Variants in NTM observed in about 807,000 individuals in gnomAD.
The protein encoded by NTM is IgLON family member 2.
A neutral mutation model predicts 42.1 loss-of-function variants in NTM; 13 were observed. That is an observed-to-expected ratio of 0.31 (90% CI 0.20 to 0.49). The LOEUF is 0.49. Among genes scored for constraint, NTM ranks in the 20% least tolerant of loss-of-function variants. The pLI, the probability that NTM is intolerant of heterozygous loss-of-function variation, is 0.99. For synonymous variants in NTM, 187 were observed against 179.2 expected (o/e 1.04, Z -0.35); for missense variants, 373 against 452.8 (o/e 0.82, Z 1.60).
At chr11:131,985,978 G>A (rs2066011471) in intron 2 of NTM, among the ~76,000 whole-genome samples, 1 of 152,146 alleles carries the variant, frequency 6.6e-6, no homozygotes, top group Non-Finnish European at 1.5e-5. Context: ...TACCCAATAA[G>A]CACTTAATAA....
Position 132,335,977 on chromosome 11 carries a change from T to A in NTM, c.*831T>A, listed in dbSNP as rs2095869419. 6.6e-6 allele frequency: 1 copy of A among 152,572 alleles called. No individual in the cohort carries two copies. The allele number at this position is 152,572 out of a possible 1,614,324, so 9.5% of individuals were successfully genotyped here. A position where few individuals can be genotyped will look rare whatever the true frequency, so the allele number is the denominator to read the frequency against. On this transcript the variant is annotated 3_prime_UTR_variant, in exon 9 of 9. Coordinates refer to ENST00000683400, the MANE Select transcript of NTM (RefSeq NM_001352005.2). ...CACACACCAGGCACTAATCACCTGGTGAGGATTTGGCATATCCACCAAAAA... is the reference window on the plus strand; with the variant it reads ...CACACACCAGGCACTAATCACCTGGAGAGGATTTGGCATATCCACCAAAAA...
chr11:132,118,343 T>C (rs1486473175), intron 2 of NTM, among the ~76,000 whole-genome samples: 1 of 152,140 alleles, frequency 6.6e-6, no homozygotes, highest in African/African-American at 2.4e-5. Context: ...GGGAATACAA[T>C]ATATGGTAAT....
intron 1 of NTM, among the ~76,000 whole-genome samples, chr11:131,656,321 A>T (rs2067182297): frequency 6.6e-6 from 1 of 152,238 alleles, no homozygotes; most frequent in Non-Finnish European, 1.5e-5. Context: ...CTTTAAAAAG[A>T]CTTGCCTAAA....
intron 1 of NTM, among the ~76,000 whole-genome samples, chr11:131,538,921 C>CT (rs58463755): frequency 0.11 from 11,604 of 102,416 alleles, 892 homozygotes; most frequent in African/African-American, 0.21. Context: ...GTTAACTTAG[C>CT]TTTTTTTTTT....
intron 1 of NTM, among the ~76,000 whole-genome samples, chr11:131,404,002 G>A (rs1055141786): frequency 3.3e-5 from 5 of 151,724 alleles, no homozygotes; most frequent in African/African-American, 4.8e-5. Context: ...CTCTCCACTC[G>A]GTCACTTTCA....
chr11:131,513,519 G>A (rs1208953572), intron 1 of NTM, among the ~76,000 whole-genome samples: 2 of 152,212 alleles, frequency 1.3e-5, no homozygotes, highest in African/African-American at 2.4e-5. Flanking sequence ...GGAATTTCAA[G>A]TTTCTTGGAG....
rs541551518 is a variant in NTM at position 131,855,612 on chromosome 11, T to A, written c.83-55952T>A. ...GAAGTAGCTGTGTATGTACACTTGA[T>A]AGCCTTCATTTTCTTGCCTTCTGTT... On this transcript the variant is annotated intron_variant, in intron 1 of 8. Transcript: ENST00000683400. 1.2e-4 allele frequency among the ~76,000 whole-genome samples: 18 copies of A among 152,396 alleles called. No homozygotes were observed. The South Asian group carries it at 1.9e-3, about 16-fold the overall frequency.
At chr11:131,648,260 G>A (rs2066020881) in intron 1 of NTM, among the ~76,000 whole-genome samples, 1 of 152,158 alleles carries the variant, frequency 6.6e-6, no homozygotes, top group Non-Finnish European at 1.5e-5. Context: ...GTCCACCATT[G>A]ATTCCATGTC....
chr11:132,111,737 C>T (rs564242556), intron 2 of NTM, among the ~76,000 whole-genome samples: 3 of 152,328 alleles, frequency 2.0e-5, no homozygotes, highest in South Asian at 4.1e-4. Flanking sequence ...TCAGATTCAT[C>T]GCACCAAATG....
intron 1 of NTM, among the ~76,000 whole-genome samples, chr11:131,442,314 C>T (rs924539174): frequency 1.3e-5 from 2 of 152,196 alleles, no homozygotes; most frequent in African/African-American, 4.8e-5. Context: ...TCTATGTTAA[C>T]ATCACTGTCT....
rs1338799444 is a variant in NTM at position 131,665,183 on chromosome 11, G to A, written c.83-246381G>A. 2.6e-5 allele frequency among the ~76,000 whole-genome samples: 4 copies of A among 152,164 alleles called. No homozygotes were observed. In the East Asian group the frequency reaches 5.8e-4, roughly 22 times the overall value. On this transcript the variant is annotated intron_variant, in intron 1 of 8. Coordinates refer to ENST00000683400, the MANE Select transcript of NTM (RefSeq NM_001352005.2). ...GCTTCCTCTTACACATCCTTCCCAC[G>A]CCTCATCTCTGGAGTGAGTTATCTT...
chr11:131,742,916 A>T (rs2081361733), intron 1 of NTM, among the ~76,000 whole-genome samples: 1 of 152,222 alleles, frequency 6.6e-6, no homozygotes, highest in Admixed American at 6.5e-5. Context: ...TCTACTGAGG[A>T]GATAAGTGAA....
At chr11:132,087,664 T>C (rs1008660798) in intron 2 of NTM, among the ~76,000 whole-genome samples, 17 of 152,074 alleles carry the variant, frequency 1.1e-4, no homozygotes, top group African/African-American at 4.1e-4. Context: ...GGTCCTGGTC[T>C]AATAAGATGC....
chr11:131,563,362 ACT>A (rs960676997), intron 1 of NTM, among the ~76,000 whole-genome samples: 3 of 152,066 alleles, frequency 2.0e-5, no homozygotes, highest in Non-Finnish European at 4.4e-5. Flanking sequence ...CAAGGACGGC[ACT>A]CTCTAAATGG....
intron 4 of NTM, among the ~76,000 whole-genome samples, chr11:132,305,256 A>T (rs1018441513): frequency 2.0e-5 from 3 of 152,192 alleles, no homozygotes; most frequent in Non-Finnish European, 4.4e-5. Flanking sequence ...CATGAACTTT[A>T]GCTGGAGAGC....
intron 4 of NTM, among the ~76,000 whole-genome samples, chr11:132,222,573 G>A (rs962534468): frequency 6.6e-6 from 1 of 152,148 alleles, no homozygotes; most frequent in African/African-American, 2.4e-5. Flanking sequence ...GGATTGAGCA[G>A]AGCATCATTT....
intron 3 of NTM, among the ~76,000 whole-genome samples, chr11:132,158,423 G>A (rs1221857087): frequency 3.3e-5 from 5 of 152,212 alleles, no homozygotes; most frequent in African/African-American, 1.2e-4. Flanking sequence ...TCACACCCTA[G>A]CACCTTTCTT....
chr11:131,377,784 G>A (rs1300547105), intron 1 of NTM, among the ~76,000 whole-genome samples: 1 of 152,162 alleles, frequency 6.6e-6, no homozygotes, highest in Non-Finnish European at 1.5e-5. Flanking sequence ...CACTCACACT[G>A]TGTACTCTAG....
At chr11:131,750,332 A>G (rs1414242791) in intron 1 of NTM, among the ~76,000 whole-genome samples, 3 of 152,154 alleles carry the variant, frequency 2.0e-5, no homozygotes, top group Admixed American at 6.5e-5. Context: ...TCACATGTAC[A>G]TTGCCACATA....
Sources: allele counts gnomAD v4.1 joint callset (sites outside exome capture counted in the v4.1 genomes callset), GRCh38; gene constraint gnomAD v4.1.1; transcripts MANE v1.5; gene names NCBI Gene and HGNC (gene_info 2026-07-23, HGNC 2026-07-21).